MBOAT1: variants seen among roughly 807,000 people sequenced by gnomAD.
The protein encoded by MBOAT1 is membrane-bound glycerophospholipid O-acyltransferase 1.
MBOAT1 carries 67 observed loss-of-function variants against 64.4 expected under a neutral mutation model. That is an observed-to-expected ratio of 1.04 (90% confidence interval 0.85 to 1.27). MBOAT1 has a LOEUF of 1.27. Among genes scored for constraint, MBOAT1 ranks in the 50% most tolerant of loss-of-function variants. The pLI is 0.00. For synonymous variants in MBOAT1, 229 were observed against 218.9 expected (o/e 1.05, Z -0.41); for missense variants, 563 against 604.6 (o/e 0.93, Z 0.72).
intron 12 of MBOAT1, among the ~76,000 whole-genome samples, chr6:20,108,122 T>G (rs2113626177): frequency 6.6e-6 from 1 of 152,282 alleles, no homozygotes; most frequent in East Asian, 1.9e-4. Flanking sequence ...TGAGGTGTAA[T>G]CAATCTGGAA....
Position 20,185,565 on chromosome 6 carries a change from C to T in MBOAT1, c.99+26571G>A, listed in dbSNP as rs76926657. ...CTTTCCTGGATCTCCAGATTTTAGA[C>T]TTGTCAAGCCTCCATAATCTTTCGC... On this transcript the variant is annotated intron_variant, in intron 1 of 12. Coordinates refer to ENST00000324607, the MANE Select transcript of MBOAT1 (RefSeq NM_001080480.3). Among the ~76,000 whole-genome samples, 928 of 152,276 alleles carry T rather than the reference C, an allele frequency of 6.1e-3. 1 individual carries two copies. The highest frequency in any genetic ancestry group is 9.6e-3 in the Non-Finnish European group (651 of 68,014).
At chr6:20,109,902 CTTTT>C (rs1158455991) in intron 11 of MBOAT1, among the ~76,000 whole-genome samples, 153 bp from the exon 12 acceptor site, 15 of 94,114 alleles carry the variant, frequency 1.6e-4, no homozygotes, top group Non-Finnish European at 2.7e-4. Context: ...ACCATCAGGA[CTTTT>C]TTTTTTTTTT....
chr6:20,131,978 G>T (rs1202819848), intron 4 of MBOAT1, among the ~76,000 whole-genome samples: 1 of 152,110 alleles, frequency 6.6e-6, no homozygotes, highest in Non-Finnish European at 1.5e-5. Context: ...GACCTCCTGG[G>T]CTCAAGCAAT....
At chr6:20,126,459 TATTAGAG>T (rs1228180285) in intron 7 of MBOAT1, 51 bp downstream of exon 7, 2 of 1,429,594 alleles carry the variant, frequency 1.4e-6, no homozygotes, top group Non-Finnish European at 1.9e-6. Context: ...TTAGAACCAT[TATTAGAG>T]AGAGTCAACC....
In MBOAT1 at chr6:20,109,635, C is replaced by T; in HGVS notation, c.1324G>A (p.Val442Met). ...LAVSYTVAPF[V>M]MLAVEPTISL... ...ATGGTCGGTTCAACTGCCAACATCA[C>T]AAAGGGTGCTACCGTGTAAGAGACA... Residue 442 changes from valine to methionine, a missense_variant, in exon 12 of 13, where the codon GTG becomes ATG. Transcript: ENST00000324607. 6.2e-7 allele frequency: 1 copy of T among 1,614,020 alleles called. No homozygotes were observed. The highest frequency in any genetic ancestry group is 1.3e-5 in the African/African-American group (1 of 75,064).
chr6:20,203,433 T>C (rs1296454193), intron 1 of MBOAT1, among the ~76,000 whole-genome samples: 1 of 152,246 alleles, frequency 6.6e-6, no homozygotes, highest in Non-Finnish European at 1.5e-5. Flanking sequence ...AAGTGAGCCA[T>C]GAATTAACTT....
intron 4 of MBOAT1, among the ~76,000 whole-genome samples, chr6:20,141,958 C>T (rs893565055): frequency 6.6e-5 from 10 of 152,160 alleles, no homozygotes; most frequent in African/African-American, 2.4e-4. Context: ...AAAGCCCTCC[C>T]TTCTGCCTGG....
chr6:20,122,639 T>C (rs1438802327), intron 8 of MBOAT1, among the ~76,000 whole-genome samples: 1 of 152,052 alleles, frequency 6.6e-6, no homozygotes, highest in Non-Finnish European at 1.5e-5. Flanking sequence ...TAAAAATAAT[T>C]TGGACTGGGG....
rs143994340 is a variant in MBOAT1 at position 20,172,777 on chromosome 6, T to C, written c.100-20008A>G. Among the ~76,000 whole-genome samples the C allele has an allele frequency of 4.7e-3, 711 of 152,326 alleles. 1 individual carries two copies. Among genetic ancestry groups the C allele is most frequent in the Non-Finnish European group, 7.5e-3 (511 of 68,030 alleles). ...ATATTTAATAAATGTTTCAACATGA[T>C]AGGACGCTCAAAAATACAGGAGGTA... On this transcript the variant is annotated intron_variant, in intron 1 of 12. Transcript: ENST00000324607.
chr6:20,196,437 G>A (rs558610612), intron 1 of MBOAT1, among the ~76,000 whole-genome samples: 1 of 152,270 alleles, frequency 6.6e-6, no homozygotes, highest in South Asian at 2.1e-4. Flanking sequence ...CCAGGATTGA[G>A]GAAGAAGGGG....
At chr6:20,132,963 A>G (rs149402687) in intron 4 of MBOAT1, among the ~76,000 whole-genome samples, 3 of 152,286 alleles carry the variant, frequency 2.0e-5, no homozygotes, top group East Asian at 3.9e-4. Flanking sequence ...TCTCATCCTA[A>G]TTCCCATTTT....
At chr6:20,119,368 G>A (rs1760426438) in intron 8 of MBOAT1, among the ~76,000 whole-genome samples, 1 of 152,056 alleles carries the variant, frequency 6.6e-6, no homozygotes, top group African/African-American at 2.4e-5. Context: ...ATGACCAAGA[G>A]GCTAATTGTC....
At chr6:20,205,899 G>C (rs1763251037) in intron 1 of MBOAT1, among the ~76,000 whole-genome samples, 2 of 151,790 alleles carry the variant, frequency 1.3e-5, no homozygotes, top group African/African-American at 4.9e-5. Flanking sequence ...GAGACCCTAG[G>C]GGGGCCACCC....
intron 1 of MBOAT1, among the ~76,000 whole-genome samples, chr6:20,205,430 G>T (rs369140733): frequency 1.3e-5 from 2 of 152,276 alleles, no homozygotes; most frequent in South Asian, 2.1e-4. Flanking sequence ...CAACAGGAAG[G>T]CTAAAGCTCC....
In MBOAT1 at chr6:20,180,668, C is replaced by T. The variant is rs186833996; in HGVS notation, c.100-27899G>A. 8.7e-4 allele frequency among the ~76,000 whole-genome samples: 133 copies of T among 152,300 alleles called. 2 individuals are homozygous for T. The highest frequency in any genetic ancestry group is 3.1e-3 in the African/African-American group (128 of 41,562). On this transcript the variant is annotated intron_variant, in intron 1 of 12. Coordinates refer to ENST00000324607, the MANE Select transcript of MBOAT1 (RefSeq NM_001080480.3). ...AATCCCACTTTGAGCTGCCCTTAAC[C>T]TCATGAGAATTGCTGGACTTTAAAT... is the stretch of plus-strand genomic sequence containing the variant.
chr6:20,191,978 T>C (rs1158099245), intron 1 of MBOAT1, among the ~76,000 whole-genome samples: 3 of 152,230 alleles, frequency 2.0e-5, no homozygotes, highest in Non-Finnish European at 4.4e-5. Context: ...GTCTTTTACA[T>C]GTCCAACCAG....
At chr6:20,192,852 T>C (rs1463991036) in intron 1 of MBOAT1, among the ~76,000 whole-genome samples, 1 of 152,012 alleles carries the variant, frequency 6.6e-6, no homozygotes, top group African/African-American at 2.4e-5. Flanking sequence ...ATCCCAGCTC[T>C]TCCTAGTCCT....
In MBOAT1 at chr6:20,128,753, C is replaced by G; in HGVS notation, c.476G>C (p.Gly159Ala). The change falls in exon 6 of 13, where the codon GGA becomes GCA. Residue 159 changes from glycine to alanine, a missense_variant and splice_region_variant. Gly to Ala is a moderately conservative substitution (Grantham distance 60). Coordinates refer to ENST00000324607, the MANE Select transcript of MBOAT1 (RefSeq NM_001080480.3). ...AAGGTCTTCAGCTCTTCGACCTAAT[C>G]CTATGAAAAAGAAAAGAATTTAGAA... ...ITTLAFQVHD[G>A]LGRRAEDLSA... The G allele has an allele frequency of 6.3e-7, 1 of 1,596,588 alleles. No homozygotes were observed. The highest frequency in any genetic ancestry group is 8.5e-7 in the Non-Finnish European group (1 of 1,173,382).
intron 1 of MBOAT1, among the ~76,000 whole-genome samples, chr6:20,198,314 T>C (rs552165229): frequency 6.6e-6 from 1 of 152,264 alleles, no homozygotes; most frequent in South Asian, 2.1e-4. Context: ...AATGGCAATC[T>C]TCTAAAATCC....
Sources: allele counts gnomAD v4.1 joint callset (sites outside exome capture counted in the v4.1 genomes callset), GRCh38; gene constraint gnomAD v4.1.1; transcripts MANE v1.5; gene names NCBI Gene and HGNC (gene_info 2026-07-23, HGNC 2026-07-21).